Variants in MYO16 observed in about 807,000 individuals in gnomAD.
MYO16 encodes the protein unconventional myosin-XVI.
In MYO16, 94 loss-of-function variants were observed where a neutral mutation model predicts 205.3. The ratio of observed to expected loss-of-function variants is 0.46; its 90% CI spans 0.39 to 0.54. The LOEUF (loss-of-function observed/expected upper bound fraction) is 0.54, where lower values mean the gene tolerates loss of function less well. Ranked by LOEUF, MYO16 falls within the 20% of genes least tolerant of loss-of-function variation. MYO16 has a pLI of 0.00. For missense variants in MYO16, 2,315 were observed against 2,387.5 expected (o/e 0.97, Z 0.63); for synonymous variants, 988 against 954.0 (o/e 1.04, Z -0.66).
intron 2 of MYO16, among the ~76,000 whole-genome samples, chr13:108,673,130 G>A: frequency 6.6e-6 from 1 of 151,894 alleles, no homozygotes; most frequent in South Asian, 2.1e-4. Flanking sequence ...TGAGTTGAGA[G>A]ACCATGTTTT....
intron 11 of MYO16, among the ~76,000 whole-genome samples, chr13:108,864,111 T>A (rs1398490980): frequency 6.6e-6 from 1 of 152,182 alleles, no homozygotes; most frequent in Non-Finnish European, 1.5e-5. Flanking sequence ...TTTCAAAGGA[T>A]CACCTTTTGG....
chr13:108,712,318 G>A lies in MYO16; in HGVS notation c.293-343G>A, dbSNP rs9559391. On this transcript the variant is annotated intron_variant, in intron 2 of 34. Transcript: ENST00000457511. ...ATAAAAATTCAGTGACCTAATGCCC[G>A]TGTGAACCTAGTGAAGTAATTTCTA... Among the ~76,000 whole-genome samples, 216 of 152,294 alleles carry A rather than the reference G, an allele frequency of 1.4e-3. 2 individuals carry two copies. In the East Asian group the frequency reaches 0.035, roughly 24 times the overall value.
chr13:109,190,390 ATCAG>A (rs897624652), intron 34 of MYO16, among the ~76,000 whole-genome samples: 7 of 152,284 alleles, frequency 4.6e-5, no homozygotes, highest in Non-Finnish European at 7.4e-5. Context: ...GTGACATATA[ATCAG>A]TCAGTGTAAT....
At chr13:108,620,668 G>A (rs184433552) in intron 1 of MYO16, among the ~76,000 whole-genome samples, 1 of 152,202 alleles carries the variant, frequency 6.6e-6, no homozygotes, top group Admixed American at 6.5e-5. Flanking sequence ...AAGACAGGAA[G>A]AGGAGGACTC....
At chr13:109,031,424 C>A (rs966231331) in intron 23 of MYO16, among the ~76,000 whole-genome samples, 4 of 152,050 alleles carry the variant, frequency 2.6e-5, no homozygotes, top group African/African-American at 7.2e-5. Flanking sequence ...TTTTTTGTTT[C>A]TCTGATAACT....
rs1879243362 is a variant in MYO16, at chr13:108,874,727, A to ATTC, written c.1426-8330_1426-8329insCTT. Among the ~76,000 whole-genome samples the ATTC allele has an allele frequency of 2.8e-5, 4 of 142,590 alleles. No individual in the cohort carries two copies. The South Asian group carries it at 8.8e-4, about 31-fold the overall frequency. 93.5% of individuals were successfully genotyped at this position (142,590 alleles called of 152,430 possible). On this transcript the variant is annotated intron_variant, in intron 12 of 34. Transcript: ENST00000457511. ...TATTATTATTATTATTATTATTATTATTATTATTATATGTGATCTTTTGTA... is the reference window on the plus strand; with the variant it reads ...TATTATTATTATTATTATTATTATTATTCTTATTATTATATGTGATCTTTTGTA...
chr13:108,665,322 G>A (rs115989226), intron 1 of MYO16, among the ~76,000 whole-genome samples: 369 of 151,980 alleles, frequency 2.4e-3, no homozygotes, highest in African/African-American at 8.5e-3. Context: ...TTGTTGCCCA[G>A]GCAAGTCTTA....
chr13:108,593,770 G>C (rs1242177314), upstream of MYO16, among the ~76,000 whole-genome samples: 2 of 152,104 alleles, frequency 1.3e-5, no homozygotes, highest in Non-Finnish European at 2.9e-5. Context: ...AGATACCCGT[G>C]ATGAAGTCGC....
intron 9 of MYO16, among the ~76,000 whole-genome samples, chr13:108,842,556 C>G (rs1317097861): frequency 6.6e-6 from 1 of 152,086 alleles, no homozygotes; most frequent in African/African-American, 2.4e-5. Context: ...CAACAAAATA[C>G]CACCTCACAC....
intron 33 of MYO16, among the ~76,000 whole-genome samples, chr13:109,167,774 T>C (rs1878747834): frequency 6.6e-6 from 1 of 152,132 alleles, no homozygotes; most frequent in Admixed American, 6.5e-5. Context: ...CTTCGAAAAG[T>C]AGCAACTGAA....
intron 27 of MYO16, among the ~76,000 whole-genome samples, chr13:109,063,439 A>G (rs932324137): frequency 6.6e-6 from 1 of 152,198 alleles, no homozygotes; most frequent in Admixed American, 6.6e-5. Flanking sequence ...ATTATGGTAC[A>G]TAATTGGATT....
At chr13:109,045,279 T>C (rs1887004025) in intron 23 of MYO16, among the ~76,000 whole-genome samples, 1 of 152,162 alleles carries the variant, frequency 6.6e-6, no homozygotes, top group Non-Finnish European at 1.5e-5. Context: ...CACACACGGA[T>C]GTGTAGCAAC....
chr13:109,004,560 G>C (rs1289799324), intron 21 of MYO16, among the ~76,000 whole-genome samples: 1 of 152,070 alleles, frequency 6.6e-6, no homozygotes, highest in African/African-American at 2.4e-5. Context: ...TGTACTGCTT[G>C]AACAGTAGGG....
rs571825503 is a variant in MYO16, at chr13:108,851,034, T to C, written c.1249-4409T>C. On this transcript the variant is annotated intron_variant, in intron 10 of 34. Transcript: ENST00000457511. ...CTAAATGTGCACACAGAAATTTGCA[T>C]TGAAATTGTTAGCATCGTGACTGTA... Among the ~76,000 whole-genome samples the C allele has an allele frequency of 2.6e-5, 4 of 152,326 alleles. No individual in the cohort carries two copies. The South Asian group carries it at 8.3e-4, about 32-fold the overall frequency.
the MYO16 span, among the ~76,000 whole-genome samples, chr13:108,497,633 G>A: frequency 2.0e-5 from 3 of 152,200 alleles, no homozygotes; most frequent in East Asian, 1.9e-4. Flanking sequence ...TGTGTACTAT[G>A]AGAATTGGGA....
At chr13:108,656,316 C>T (rs371392808) in intron 1 of MYO16, among the ~76,000 whole-genome samples, 3 of 152,146 alleles carry the variant, frequency 2.0e-5, no homozygotes, top group East Asian at 3.9e-4. Context: ...CATTTTCTCT[C>T]GCCACTGCCA....
chr13:108,673,613 C>T (rs971491760), intron 2 of MYO16, among the ~76,000 whole-genome samples: 3 of 152,078 alleles, frequency 2.0e-5, no homozygotes, highest in Non-Finnish European at 2.9e-5. Context: ...GATCCTTGTA[C>T]CAGCTTCCTT....
intron 33 of MYO16, among the ~76,000 whole-genome samples, chr13:109,175,343 C>T (rs1879120640): frequency 6.6e-6 from 1 of 152,204 alleles, no homozygotes; most frequent in African/African-American, 2.4e-5. Flanking sequence ...GCCTTTTCGA[C>T]TTTTGCCCAC....
chr13:108,656,972 G>T (rs1389607448), intron 1 of MYO16, among the ~76,000 whole-genome samples: 2 of 152,198 alleles, frequency 1.3e-5, no homozygotes, highest in African/African-American at 4.8e-5. Flanking sequence ...ACAGCAGGCT[G>T]CCAGTGTCCA....
Sources: allele counts gnomAD v4.1 joint callset (sites outside exome capture counted in the v4.1 genomes callset), GRCh38; gene constraint gnomAD v4.1.1; transcripts MANE v1.5; gene names NCBI Gene and HGNC (gene_info 2026-07-23, HGNC 2026-07-21).